SIRT5: variants seen among roughly 807,000 people sequenced by gnomAD.
SIRT5 encodes NAD-dependent protein deacylase sirtuin-5, mitochondrial.
SIRT5 carries 26 observed loss-of-function variants against 40.0 expected under a neutral mutation model. That is an observed-to-expected ratio of 0.65 (90% CI 0.48 to 0.90). The LOEUF (loss-of-function observed/expected upper bound fraction) is 0.90, where lower values mean the gene tolerates loss of function less well. Ranked by LOEUF, SIRT5 falls within the 40% of genes least tolerant of loss-of-function variation. SIRT5 has a pLI of 0.00. For missense variants in SIRT5, 401 were observed against 402.4 expected (o/e 1.00, Z 0.03); for synonymous variants, 146 against 149.1 (o/e 0.98, Z 0.15).
At chr6:13,611,221 A>ATATG (rs1763837618) in intron 9 of SIRT5, among the ~76,000 whole-genome samples, 1 of 133,228 alleles carries the variant, frequency 7.5e-6, no homozygotes, top group Admixed American at 7.4e-5. Flanking sequence ...ATATATATAT[A>ATATG]TATATATATA....
intron 7 of SIRT5, 68 bp downstream of exon 7, chr6:13,597,084 A>G: frequency 1.6e-6 from 2 of 1,241,512 alleles, no homozygotes; most frequent in Non-Finnish European, 2.3e-6. Context: ...ACAGACATCA[A>G]AACCTAAACA....
chr6:13,603,745 T>C (rs1013696555), intron 9 of SIRT5, among the ~76,000 whole-genome samples: 4 of 152,232 alleles, frequency 2.6e-5, no homozygotes, highest in Non-Finnish European at 5.9e-5. Flanking sequence ...CAAAAATCTG[T>C]ACACAAATGT....
rs148983221 is a variant in SIRT5, at chr6:13,604,430, T to A, written c.857+3481T>A. 5.3e-4 allele frequency: 605 copies of A among 1,141,330 alleles called. No homozygotes were observed. The African/African-American group carries it at 8.0e-3, about 15-fold the overall frequency. The allele number at this position is 1,141,330 out of a possible 1,614,324, so 70.7% of individuals were successfully genotyped here. On this transcript the variant is annotated intron_variant, in intron 9 of 9. Transcript: ENST00000606117. ...AGGATAAACTTTGTGAAGCAGGACC[T>A]GAGCTATGTCCCCAGTTTGGTTCTT...
chr6:13,605,071 C>A, intron 9 of SIRT5: 1 of 986,112 alleles, frequency 1.0e-6, no homozygotes, highest in Non-Finnish European at 1.2e-6. Flanking sequence ...CAGAAACCAA[C>A]CCTGGAGCAA....
intron 4 of SIRT5, among the ~76,000 whole-genome samples, chr6:13,590,610 G>A (rs1255448344): frequency 2.0e-5 from 3 of 151,854 alleles, no homozygotes; most frequent in Non-Finnish European, 2.9e-5. Flanking sequence ...TGTGTATGTT[G>A]TGTGTATGTA....
chr6:13,611,199 G>C (rs1327907546), intron 9 of SIRT5, among the ~76,000 whole-genome samples: 2 of 97,342 alleles, frequency 2.1e-5, no homozygotes, highest in African/African-American at 4.1e-5. Flanking sequence ...TGTTTTATGT[G>C]TGTGTGTGTA....
At chr6:13,595,402 T>TA (rs1761436213) in intron 5 of SIRT5, 75 bp from the exon 6 acceptor site, 1 of 1,133,974 alleles carries the variant, frequency 8.8e-7, no homozygotes, top group African/African-American at 1.5e-5. Flanking sequence ...TAAAGTATCT[T>TA]ATACCCTTTT....
intron 7 of SIRT5, 100 bp downstream of exon 7, chr6:13,597,116 T>TAAATCAAATGCACAAATGTA: frequency 1.1e-6 from 1 of 882,354 alleles, no homozygotes; most frequent in Non-Finnish European, 1.8e-6. Flanking sequence ...AGACGCCTCT[T>TAAATCAAATGCACAAATGTA]AAATCAAATG....
At chr6:13,592,533 G>GCACCAAGCC (rs1318360606) in intron 5 of SIRT5, among the ~76,000 whole-genome samples, 3 of 151,974 alleles carry the variant, frequency 2.0e-5, no homozygotes, top group Non-Finnish European at 4.4e-5. Context: ...GCTGGACACT[G>GCACCAAGCC]CACCAAGCCC....
At chr6:13,611,596 C>T (rs1440089699) in intron 9 of SIRT5, among the ~76,000 whole-genome samples, 194 bp from the exon 10 acceptor site, 1 of 152,014 alleles carries the variant, frequency 6.6e-6, no homozygotes, top group African/African-American at 2.4e-5. Context: ...AGAGCCCAGC[C>T]CATAGTGAAG....
At position 13,611,803 on chromosome 6, in the gene SIRT5, G is replaced by T. The variant is rs1434330047; in HGVS notation, c.871G>T (p.Gly291Ter). The T allele has an allele frequency of 3.7e-6, 6 of 1,613,360 alleles. No individual in the cohort carries two copies. In the South Asian group the frequency reaches 5.5e-5, roughly 15 times the overall value. The change falls in exon 10 of 10, where the codon GGA (glycine) becomes TGA (stop). Residue 291 changes from glycine (G) to a stop codon, truncating the protein, a stop_gained. Transcript: ENST00000606117. LOFTEE classifies it high-confidence loss of function. ...CTTCTCTTTCAGGTTTCATTTCCAG[G>T]GACCCTGTGGAACGACTCTTCCTGA... The part of the protein sequence containing the change: ...ATNRFRFHFQ[G>*]PCGTTLPEAL...
chr6:13,586,166 T>A (rs1294552737), intron 3 of SIRT5, among the ~76,000 whole-genome samples: 1 of 152,174 alleles, frequency 6.6e-6, no homozygotes, highest in Non-Finnish European at 1.5e-5. Context: ...TGGGTAGATT[T>A]CAAAAATATT....
rs932205862 is a variant in SIRT5, at chr6:13,607,313, GTT to G, written c.858-4466_858-4465del. 6.9e-6 allele frequency among the ~76,000 whole-genome samples: 1 copy of G among 144,030 alleles called. No homozygotes were observed. 94.5% of individuals were successfully genotyped at this position (144,030 alleles called of 152,430 possible). A position where few individuals can be genotyped will look rare whatever the true frequency, so the allele number is the denominator to read the frequency against. ...AACTTCTGGTTTTTGATATTTGTCT[GTT>G]TTTTTTTTTTCTTTTAAAGGAGAGC... On this transcript the variant is annotated intron_variant, in intron 9 of 9. Coordinates refer to ENST00000606117, the MANE Select transcript of SIRT5 (RefSeq NM_012241.5). The surrounding 1 kb of genome is among the most constrained non-coding windows in gnomAD (Gnocchi z 4.0).
At chr6:13,592,872 C>G (rs1761105461) in intron 5 of SIRT5, among the ~76,000 whole-genome samples, 2 of 111,984 alleles carry the variant, frequency 1.8e-5, no homozygotes, top group East Asian at 4.3e-4. Flanking sequence ...GAATGCATTT[C>G]TTATTTTTTA....
intron 5 of SIRT5, 78 bp downstream of exon 5, chr6:13,591,972 C>A: frequency 2.3e-6 from 3 of 1,286,070 alleles, no homozygotes; most frequent in Non-Finnish European, 3.3e-6. Flanking sequence ...ACCTCTGGTG[C>A]CTTCCCTCCC....
At chr6:13,609,225 T>A (rs182322811) in intron 9 of SIRT5, among the ~76,000 whole-genome samples, 37 of 152,354 alleles carry the variant, frequency 2.4e-4, no homozygotes, top group Non-Finnish European at 4.4e-4. Flanking sequence ...TTCCTCCTGT[T>A]CTAACCCAAT....
At position 13,595,409 on chromosome 6, in the gene SIRT5, T is replaced by C. The variant is rs142300010; in HGVS notation, c.476-68T>C. 6.3e-4 allele frequency: 765 copies of C among 1,207,308 alleles called. 1 individual carries two copies. Among genetic ancestry groups the C allele is most frequent in the Non-Finnish European group, 8.5e-4 (690 of 810,956 alleles). 74.8% of individuals were successfully genotyped at this position (1,207,308 alleles called of 1,614,324 possible). A position where few individuals can be genotyped will look rare whatever the true frequency, so the allele number is the denominator to read the frequency against. ...GTGAAAAATAAAGTATCTTATACCC[T>C]TTTAGACATGGAGAAGGTTGCTCTT... On this transcript the variant is annotated intron_variant, in intron 5 of 9. Transcript: ENST00000606117.
chr6:13,589,406 A>C (rs1379709419), intron 4 of SIRT5: 2 of 152,394 alleles, frequency 1.3e-5, no homozygotes, highest in Admixed American at 1.3e-4. Flanking sequence ...CTGGGATTAC[A>C]GGCATGAGCC....
rs1404663903 is a variant in SIRT5 at position 13,600,882 on chromosome 6, G to C, written c.790G>C (p.Val264Leu). ...VYPAAMFAPQVAARGVPVAEF... is the reference protein window; with the variant it reads ...VYPAAMFAPQLAARGVPVAEF... ...CCCAGCAGCCATGTTTGCCCCCCAG[G>C]TGGCTGCCAGGGGCGTGCCAGTGGC... The change falls in exon 9 of 10, where the codon GTG becomes CTG. Residue 264 changes from valine (V) to leucine (L), a missense_variant. Transcript: ENST00000606117. 1.2e-6 allele frequency: 2 copies of C among 1,614,032 alleles called. No homozygotes were observed. Among genetic ancestry groups the C allele is most frequent in the Non-Finnish European group, 1.7e-6 (2 of 1,180,020 alleles).
Sources: gnomAD v4.1 joint callset for allele counts (sites outside exome capture counted in the v4.1 genomes callset) on GRCh38, gnomAD v4.1.1 for gene constraint, Gnocchi (gnomAD v3.1) non-coding constraint, MANE v1.5 for transcripts, NCBI Gene and HGNC (gene_info 2026-07-23, HGNC 2026-07-21) for gene names.